The following ETS2 variants were observed in gnomAD, a reference collection of about 807,000 sequenced individuals.
The protein encoded by ETS2 is protein C-ets-2.
A neutral mutation model predicts 54.9 loss-of-function variants in ETS2; 19 were observed. The ratio of observed to expected loss-of-function variants is 0.35; its 90% CI spans 0.24 to 0.51. The LOEUF is 0.51. Ranked by LOEUF, ETS2 falls within the 20% of genes least tolerant of loss-of-function variation. The pLI is 0.97. For synonymous variants in ETS2, 219 were observed against 229.3 expected, an observed-to-expected ratio of 0.95 and a Z score of 0.41; for missense variants, 417 against 593.0, an observed-to-expected ratio of 0.70 and a Z score of 3.08.
Position 38,823,665 on chromosome 21 carries a change from G to C in ETS2, c.*776G>C, listed in dbSNP as rs954007465. ...TGTTTTTGGGGGGTTTTCTTGCCTT[G>C]GTTGTCTGGCAAGGACTTTGTACAT... On this transcript the variant is annotated 3_prime_UTR_variant, in exon 10 of 10. Coordinates refer to ENST00000360938, the MANE Select transcript of ETS2 (RefSeq NM_005239.6). The C allele has an allele frequency of 6.6e-6, 1 of 152,586 alleles. No individual in the cohort carries two copies. The highest frequency in any genetic ancestry group is 1.5e-5 in the Non-Finnish European group (1 of 68,148). The allele number at this position is 152,586 out of a possible 1,614,324, so 9.5% of individuals were successfully genotyped here.
chr21:38,813,561 A>G (rs2060921647), intron 3 of ETS2, among the ~76,000 whole-genome samples: 1 of 152,212 alleles, frequency 6.6e-6, no homozygotes, highest in Non-Finnish European at 1.5e-5. Flanking sequence ...ACCCATCGGT[A>G]GTTCTTTCTG....
intron 9 of ETS2, 84 bp from the exon 10 acceptor site, chr21:38,822,590 G>A: frequency 1.6e-6 from 2 of 1,248,714 alleles, no homozygotes; most frequent in East Asian, 4.8e-5. Flanking sequence ...ACATGCCTCA[G>A]AATCATAATC....
chr21:38,813,003 C>T lies in ETS2; in HGVS notation c.73C>T (p.Arg25Cys), dbSNP rs139909964. The part of the protein sequence containing the change: ...VANSYRGTLK[R>C]QPAFDTFDGS... ...ATTTTTTTTCCATCTGTTTTTGCAG[C>T]GCCAGCCAGCCTTTGACACCTTTGA... Residue 25 changes from arginine to cysteine, a missense_variant and splice_region_variant, in exon 3 of 10, where the codon CGC becomes TGC. This residue lies in a region of ETS2 where 326 missense variants were observed against 426.1 expected (regional missense o/e 0.76). Transcript: ENST00000360938. 93 of 1,608,912 alleles carry T rather than the reference C, an allele frequency of 5.8e-5. No individual in the cohort carries two copies. The highest frequency in any genetic ancestry group is 1.5e-4 in the African/African-American group (11 of 74,798).
In ETS2 at chr21:38,806,535, C is replaced by T; in HGVS notation, c.-1+415C>T. Reference sequence around the variant, plus strand: ...GAACGGGAGTGGGGGCACAGGAGAGCGTGTCCGAGGTGGCCTGGCGCCCCG... The same window carrying T: ...GAACGGGAGTGGGGGCACAGGAGAGTGTGTCCGAGGTGGCCTGGCGCCCCG... On this transcript the variant is annotated intron_variant, in intron 1 of 9. Coordinates refer to ENST00000360938, the MANE Select transcript of ETS2 (RefSeq NM_005239.6). The surrounding 1 kb of genome is among the most constrained non-coding windows in gnomAD (Gnocchi z 4.3). 1.0e-6 allele frequency: 1 copy of T among 985,522 alleles called. No homozygotes were observed. Among genetic ancestry groups the T allele is most frequent in the Non-Finnish European group, 1.2e-6 (1 of 830,006 alleles). 61.0% of individuals were successfully genotyped at this position (985,522 alleles called of 1,614,324 possible). A position where few individuals can be genotyped will look rare whatever the true frequency, so the allele number is the denominator to read the frequency against.
intron 2 of ETS2, among the ~76,000 whole-genome samples, chr21:38,812,280 G>A (rs1263282210): frequency 6.6e-6 from 1 of 152,154 alleles, no homozygotes; most frequent in Non-Finnish European, 1.5e-5. Flanking sequence ...CTTGTCAAGG[G>A]TCATTTTTCT....
chr21:38,812,770 G>GA (rs2060918557), intron 2 of ETS2, among the ~76,000 whole-genome samples: 1 of 104 alleles, frequency 9.6e-3, no homozygotes, highest in East Asian at 0.12. Flanking sequence ...GACAGAGTAA[G>GA]ACCTGTCTCA....
At position 38,818,619 on chromosome 21, in the gene ETS2, A is replaced by C; in HGVS notation, c.784A>C (p.Asn262His). The change falls in exon 7 of 10, where the codon AAC becomes CAC. Residue 262 changes from asparagine to histidine, a missense_variant. Physicochemically the swap from Asn to His is moderately conservative, Grantham distance 68 (BLOSUM62 1). This residue lies in a region of ETS2 where 326 missense variants were observed against 426.1 expected (regional missense o/e 0.76). Coordinates refer to ENST00000360938, the MANE Select transcript of ETS2 (RefSeq NM_005239.6). ...TGTCAGTCAGGACTTCCCAGGCAGC[A>C]ACTTGAATTTGCTCACCAACAATTC... is the stretch of plus-strand genomic sequence containing the variant. ...CSVSQDFPGS[N>H]LNLLTNNSGT... 1 of 1,614,190 alleles carries C rather than the reference A, an allele frequency of 6.2e-7. No homozygotes were observed. The highest frequency in any genetic ancestry group is 8.5e-7 in the Non-Finnish European group (1 of 1,180,040).
At chr21:38,815,935 AAAGGAAGGAAGGAAGGAAGG>A (rs752955364) in intron 5 of ETS2, among the ~76,000 whole-genome samples, 3 of 95,110 alleles carry the variant, frequency 3.2e-5, no homozygotes, top group African/African-American at 8.4e-5. Flanking sequence ...GACTCTGTTG[AAAGGAAGGAAGGAAGGAAGG>A]AAGGAAGGAA....
Position 38,824,727 on chromosome 21 carries a change from A to C in ETS2, c.*1838A>C, listed in dbSNP as rs1461075489. ...ATGTGACTGGGAACATCTTGCTGCC[A>C]AAAGAATCCTAGGCAGTGGCTCATT... On this transcript the variant is annotated 3_prime_UTR_variant, in exon 10 of 10. Transcript: ENST00000360938. 1 of 152,768 alleles carries C rather than the reference A, an allele frequency of 6.5e-6. No homozygotes were observed. The highest frequency in any genetic ancestry group is 1.5e-5 in the Non-Finnish European group (1 of 68,022). The allele number at this position is 152,768 out of a possible 1,614,324, so 9.5% of individuals were successfully genotyped here. A position where few individuals can be genotyped will look rare whatever the true frequency, so the allele number is the denominator to read the frequency against.
chr21:38,814,135 G>T lies in ETS2; in HGVS notation c.185-138G>T, dbSNP rs1569022931. The T allele has an allele frequency of 1.2e-6, 1 of 809,010 alleles. No individual in the cohort carries two copies. 50.1% of individuals were successfully genotyped at this position (809,010 alleles called of 1,614,324 possible). ...TAGTCAGAAAAGTTTTTTGTTAATA[G>T]TTACACTGTTTTAAGGAATCATGCC... On this transcript the variant is annotated intron_variant, in intron 3 of 9. Coordinates refer to ENST00000360938, the MANE Select transcript of ETS2 (RefSeq NM_005239.6). This position sits in a 1 kb window ranked among gnomAD's most constrained non-coding sequence, Gnocchi z 4.2.
At position 38,823,036 on chromosome 21, in the gene ETS2, A is replaced by C; in HGVS notation, c.*147A>C. Reference sequence around the variant, plus strand: ...AAGCAGTGGCCTTATTGCATCCCAAACCACGCCTCTTGACCAGGCTGCCTC... The same window carrying C: ...AAGCAGTGGCCTTATTGCATCCCAACCCACGCCTCTTGACCAGGCTGCCTC... On this transcript the variant is annotated 3_prime_UTR_variant, in exon 10 of 10. Coordinates refer to ENST00000360938, the MANE Select transcript of ETS2 (RefSeq NM_005239.6). 1.8e-6 allele frequency: 1 copy of C among 551,610 alleles called. No individual in the cohort carries two copies. The highest frequency in any genetic ancestry group is 3.0e-6 in the Non-Finnish European group (1 of 335,336). The allele number at this position is 551,610 out of a possible 1,614,324, so 34.2% of individuals were successfully genotyped here. A position where few individuals can be genotyped will look rare whatever the true frequency, so the allele number is the denominator to read the frequency against.
Position 38,819,501 on chromosome 21 carries a change from A to G in ETS2, c.812-2A>G, listed in dbSNP as rs1271647453. 8 of 1,613,316 alleles carry G rather than the reference A, an allele frequency of 5.0e-6. No individual in the cohort carries two copies. The Admixed American group carries it at 1.3e-4, about 27-fold the overall frequency. On this transcript the variant is annotated splice_acceptor_variant, in intron 7 of 9. Transcript: ENST00000360938. LOFTEE classifies it high-confidence loss of function. Reference sequence around the variant, plus strand: ...AAGTATGTGTTTGGTTGTCTTTGCCAGGGACTCCCAAAGACCACGACTCCC... The same window carrying G: ...AAGTATGTGTTTGGTTGTCTTTGCCGGGGACTCCCAAAGACCACGACTCCC...
Position 38,819,782 on chromosome 21 carries a change from C to A in ETS2, c.1075+16C>A. 6.2e-7 allele frequency: 1 copy of A among 1,606,292 alleles called. No homozygotes were observed. On this transcript the variant is annotated intron_variant, in intron 8 of 9. Transcript: ENST00000360938. ...GGCTTCACAGGTGTGTGTGGAACTC[C>A]GAGAGCCTGGCCGCCCAGTCTCCTG...
At position 38,814,914 on chromosome 21, in the gene ETS2, C is replaced by A; in HGVS notation, c.438C>A (p.Arg146=). 6.2e-7 allele frequency: 1 copy of A among 1,614,216 alleles called. No individual in the cohort carries two copies. Among genetic ancestry groups the A allele is most frequent in the Non-Finnish European group, 8.5e-7 (1 of 1,180,048 alleles). The part of the protein sequence containing the change: ...GQMLCNLGKE[R]FLELAPDFVG... ...TGCTGTGTAACCTTGGCAAGGAACGCTTTCTGGAGCTGGCACCTGACTTTG... is the reference window on the plus strand; with the variant it reads ...TGCTGTGTAACCTTGGCAAGGAACGATTTCTGGAGCTGGCACCTGACTTTG... Residue 146 remains arginine (R), a synonymous_variant, in exon 5 of 10, where the codon CGC becomes CGA. Coordinates refer to ENST00000360938, the MANE Select transcript of ETS2 (RefSeq NM_005239.6). This position sits in a 1 kb window ranked among gnomAD's most constrained non-coding sequence, Gnocchi z 4.2.
At chr21:38,812,022 C>T (rs940746382) in intron 2 of ETS2, among the ~76,000 whole-genome samples, 7 of 151,842 alleles carry the variant, frequency 4.6e-5, no homozygotes, top group East Asian at 3.9e-4. Flanking sequence ...GGCCTGGGGG[C>T]GGGGAGGGGG....
chr21:38,820,265 T>TTTCTAA (rs765239474), intron 8 of ETS2, among the ~76,000 whole-genome samples: 4 of 152,242 alleles, frequency 2.6e-5, no homozygotes, highest in Admixed American at 1.3e-4. Context: ...GTATTTCCAG[T>TTTCTAA]ACTTTAGCGA....
Position 38,814,160 on chromosome 21 carries a change from C to T in ETS2, c.185-113C>T. The T allele has an allele frequency of 9.2e-7, 1 of 1,088,718 alleles. No individual in the cohort carries two copies. Among genetic ancestry groups the T allele is most frequent in the Non-Finnish European group, 1.3e-6 (1 of 741,318 alleles). 67.4% of individuals were successfully genotyped at this position (1,088,718 alleles called of 1,614,324 possible). ...GTTACACTGTTTTAAGGAATCATGCCAAGGTTTGAGATCAAAATTGTTCTT... is the reference window on the plus strand; with the variant it reads ...GTTACACTGTTTTAAGGAATCATGCTAAGGTTTGAGATCAAAATTGTTCTT... On this transcript the variant is annotated intron_variant, in intron 3 of 9. Transcript: ENST00000360938. This position sits in a 1 kb window ranked among gnomAD's most constrained non-coding sequence, Gnocchi z 4.2.
intron 6 of ETS2, 108 bp from the exon 7 acceptor site, chr21:38,818,317 G>A: frequency 2.0e-6 from 3 of 1,482,450 alleles, no homozygotes; most frequent in Non-Finnish European, 1.8e-6. Flanking sequence ...CTGAGGTTCT[G>A]CAGAGGGCTG....
At position 38,822,983 on chromosome 21, in the gene ETS2, A is replaced by C. The variant is rs947516194; in HGVS notation, c.*94A>C. 7.1e-5 allele frequency: 74 copies of C among 1,039,514 alleles called. No individual in the cohort carries two copies. Among genetic ancestry groups the C allele is most frequent in the East Asian group, 2.8e-4 (10 of 35,570 alleles). 64.4% of individuals were successfully genotyped at this position (1,039,514 alleles called of 1,614,324 possible). ...GCTCCGAGGACCCAGGAAAGGCAGG[A>C]TTGAAAATGTCCAGGAAAGTGGCCA... On this transcript the variant is annotated 3_prime_UTR_variant, in exon 10 of 10. Coordinates refer to ENST00000360938, the MANE Select transcript of ETS2 (RefSeq NM_005239.6).
Sources: gnomAD v4.1 joint callset for allele counts (sites outside exome capture counted in the v4.1 genomes callset) on GRCh38, gnomAD v4.1.1 for gene constraint, gnomAD v4.1.1 regional missense constraint, Gnocchi (gnomAD v3.1) non-coding constraint, MANE v1.5 for transcripts, NCBI Gene and HGNC (gene_info 2026-07-23, HGNC 2026-07-21) for gene names.